The following KCNH1 variants were observed in gnomAD, a reference collection of about 807,000 sequenced individuals.
KCNH1 encodes voltage-gated delayed rectifier potassium channel KCNH1.
In KCNH1, 27 loss-of-function variants were observed where a neutral mutation model predicts 69.2. That is an observed-to-expected ratio of 0.39 (90% CI 0.29 to 0.54). The LOEUF (loss-of-function observed/expected upper bound fraction) is 0.54, where lower values mean the gene tolerates loss of function less well. KCNH1 is among the 20% of genes least tolerant of loss of function. The probability of loss-of-function intolerance (pLI) is 0.68; values close to 1 mark genes in which losing one functional copy is unlikely to be tolerated. For missense variants in KCNH1, 798 were observed against 1,261.6 expected (o/e 0.63, Z 5.57); for synonymous variants, 456 against 487.7 (o/e 0.93, Z 0.86).
intron 7 of KCNH1, among the ~76,000 whole-genome samples, chr1:210,835,022 C>A (rs1685252180): frequency 6.6e-6 from 1 of 152,168 alleles, no homozygotes; most frequent in Admixed American, 6.5e-5. Flanking sequence ...GTATGCGAGT[C>A]ATAAAGCCTT....
At position 210,919,592 on chromosome 1, in the gene KCNH1, A is replaced by G; in HGVS notation, c.1462+48T>C. On this transcript the variant is annotated intron_variant, in intron 7 of 10. Transcript: ENST00000271751. The surrounding 1 kb of genome is among the most constrained non-coding windows in gnomAD (Gnocchi z 4.2). ...GCACTGTAGCCATTTCCCTGTTTCC[A>G]GCTAACAGAAGAGATGGCCAACCCC... The G allele has an allele frequency of 6.6e-7, 1 of 1,520,256 alleles. No individual in the cohort carries two copies. Among genetic ancestry groups the G allele is most frequent in the Non-Finnish European group, 9.0e-7 (1 of 1,108,142 alleles). 94.2% of individuals were successfully genotyped at this position (1,520,256 alleles called of 1,614,324 possible).
intron 6 of KCNH1, among the ~76,000 whole-genome samples, chr1:210,990,408 G>A (rs1480286819): frequency 1.3e-5 from 2 of 152,184 alleles, no homozygotes; most frequent in Non-Finnish European, 2.9e-5. Context: ...ACTTACTCAT[G>A]TTACCCAGTG....
intron 6 of KCNH1, among the ~76,000 whole-genome samples, chr1:210,965,737 A>G (rs1014007392): frequency 1.3e-5 from 2 of 152,212 alleles, no homozygotes; most frequent in South Asian, 2.1e-4. Context: ...AAGAGAGGAC[A>G]TAAACAAATT....
chr1:211,037,958 CTT>C (rs749586546), intron 5 of KCNH1, among the ~76,000 whole-genome samples: 7 of 123,088 alleles, frequency 5.7e-5, no homozygotes, highest in Non-Finnish European at 4.9e-5. Flanking sequence ...GCTTCTCCCT[CTT>C]TTTTTTTTTT....
intron 10 of KCNH1, among the ~76,000 whole-genome samples, chr1:210,685,203 G>A (rs891019755): frequency 2.0e-5 from 3 of 152,154 alleles, no homozygotes; most frequent in Non-Finnish European, 2.9e-5. Flanking sequence ...GCATGTGGCA[G>A]TTAGACTCTG....
At chr1:210,884,380 T>C (rs1686559622) in intron 7 of KCNH1, among the ~76,000 whole-genome samples, 1 of 152,194 alleles carries the variant, frequency 6.6e-6, no homozygotes, top group Admixed American at 6.5e-5. Flanking sequence ...AGAGCATTCC[T>C]GTATCTATTA....
rs1486407990 is a variant in KCNH1 at position 210,805,498 on chromosome 1, A to G, written c.1463-1332T>C. On this transcript the variant is annotated intron_variant, in intron 7 of 10. Coordinates refer to ENST00000271751, the MANE Select transcript of KCNH1 (RefSeq NM_172362.3). ...TTCCACCTGCCATCTCCAAAAAACC[A>G]CTGATCTCTCTTCTGGCAACACAGA... Among the ~76,000 whole-genome samples, 4 of 151,934 alleles carry G rather than the reference A, an allele frequency of 2.6e-5. No homozygotes were observed. In the East Asian group the frequency reaches 7.7e-4, roughly 29 times the overall value.
intron 7 of KCNH1, among the ~76,000 whole-genome samples, chr1:210,898,452 T>A (rs929324434): frequency 6.6e-6 from 1 of 152,144 alleles, no homozygotes; most frequent in Non-Finnish European, 1.5e-5. Flanking sequence ...ATAAGAAACA[T>A]ACAACCTGCA....
intron 6 of KCNH1, among the ~76,000 whole-genome samples, chr1:210,954,332 C>A (rs1053464002): frequency 6.6e-6 from 1 of 152,136 alleles, no homozygotes; most frequent in Non-Finnish European, 1.5e-5. Context: ...GGTTCCAAGT[C>A]TTTGCTATTG....
intron 7 of KCNH1, among the ~76,000 whole-genome samples, chr1:210,818,309 G>A (rs61827580): frequency 0.17 from 25,129 of 152,074 alleles, 2,738 homozygotes; most frequent in Non-Finnish European, 0.25. Context: ...CTTTAAAGAC[G>A]TCTTATAAGC....
intron 10 of KCNH1, among the ~76,000 whole-genome samples, chr1:210,774,215 G>A (rs1009391119): frequency 6.6e-6 from 1 of 152,174 alleles, no homozygotes; most frequent in African/African-American, 2.4e-5. Context: ...GGTTAGTCAA[G>A]CAGCCATAAG....
chr1:210,730,411 G>C (rs564352260), intron 10 of KCNH1, among the ~76,000 whole-genome samples: 3 of 152,136 alleles, frequency 2.0e-5, no homozygotes, highest in Non-Finnish European at 4.4e-5. Context: ...AACAAAAAAG[G>C]AGTGAAATGG....
At chr1:210,696,598 G>A (rs73067442) in intron 10 of KCNH1, among the ~76,000 whole-genome samples, 4,832 of 152,220 alleles carry the variant, frequency 0.032, 161 homozygotes, top group African/African-American at 0.085. Flanking sequence ...AGCATGAGAA[G>A]GAAAGACACT....
At chr1:210,851,553 T>C (rs1685702644) in intron 7 of KCNH1, among the ~76,000 whole-genome samples, 1 of 152,202 alleles carries the variant, frequency 6.6e-6, no homozygotes, top group African/African-American at 2.4e-5. Context: ...AATCAATAAA[T>C]ACCATCTTGT....
chr1:210,777,922 C>A (rs1683893961), intron 9 of KCNH1, among the ~76,000 whole-genome samples: 1 of 152,228 alleles, frequency 6.6e-6, no homozygotes, highest in South Asian at 2.1e-4. Flanking sequence ...GAGTCAAGGT[C>A]ATAAGAAGCC....
At chr1:210,860,858 T>C in intron 7 of KCNH1, 1 of 926,536 alleles carries the variant, frequency 1.1e-6, no homozygotes, top group East Asian at 2.4e-5. Flanking sequence ...CAGCAAGCCC[T>C]TGCTCTCATG....
chr1:210,923,006 A>C (rs1687497992), intron 6 of KCNH1, among the ~76,000 whole-genome samples: 1 of 152,236 alleles, frequency 6.6e-6, no homozygotes, highest in Non-Finnish European at 1.5e-5. Context: ...ATTCAGTTCA[A>C]AGCAACATTT....
chr1:210,963,277 C>T (rs377634341), intron 6 of KCNH1, among the ~76,000 whole-genome samples: 5 of 152,028 alleles, frequency 3.3e-5, no homozygotes, highest in Non-Finnish European at 2.9e-5. Context: ...AAACCCTGTC[C>T]GAAGGTCACC....
intron 10 of KCNH1, among the ~76,000 whole-genome samples, chr1:210,774,655 G>T (rs1037019360): frequency 6.6e-6 from 1 of 152,098 alleles, no homozygotes; most frequent in Admixed American, 6.6e-5. Flanking sequence ...GAGAGATGAA[G>T]TGCAAGAAAA....
Sources: gnomAD v4.1 joint callset for allele counts (sites outside exome capture counted in the v4.1 genomes callset) on GRCh38, gnomAD v4.1.1 for gene constraint, Gnocchi (gnomAD v3.1) non-coding constraint, MANE v1.5 for transcripts, NCBI Gene and HGNC (gene_info 2026-07-23, HGNC 2026-07-21) for gene names.